The following PDE8A variants were observed in gnomAD, a reference collection of about 807,000 sequenced individuals.
PDE8A encodes the protein high affinity cAMP-specific and IBMX-insensitive 3',5'-cyclic phosphodiesterase 8A.
In PDE8A, 59 loss-of-function variants were observed where a neutral mutation model predicts 105.0. The observed-to-expected ratio is 0.56, with a 90% CI of 0.46 to 0.70. The LOEUF (loss-of-function observed/expected upper bound fraction) is 0.70, where lower values mean the gene tolerates loss of function less well. PDE8A is among the 30% of genes least tolerant of loss of function. PDE8A has a pLI of 0.00. For missense variants in PDE8A, 1,014 were observed against 1,045.9 expected (o/e 0.97, Z 0.42); for synonymous variants, 355 against 371.9 (o/e 0.95, Z 0.52).
At chr15:85,123,337 TACACACACACACACACACACACACAC>T (rs58421452) in intron 19 of PDE8A, 144 bp downstream of exon 19, 25 of 330,336 alleles carry the variant, frequency 7.6e-5, no homozygotes, top group Admixed American at 1.5e-4. Context: ...ACTAATGGGA[TACACACACACACACACACACACACAC>T]ACACACACAC....
chr15:85,076,767 A>G lies in PDE8A; in HGVS notation c.526A>G (p.Ile176Val). The G allele has an allele frequency of 1.3e-6, 2 of 1,594,458 alleles. No homozygotes were observed. The highest frequency in any genetic ancestry group is 1.7e-6 in the Non-Finnish European group (2 of 1,162,118). The change falls in exon 5 of 22, where the codon ATT (isoleucine) becomes GTT (valine). Residue 176 changes from isoleucine to valine, a missense_variant. Ile to Val is a conservative substitution (Grantham distance 29). Transcript: ENST00000394553. ...AGAAGAGTTGTCCGTAATGCCTTTC[A>G]TTTCTGCTGGATTTACAAGGGTATG... ...DREELSVMPF[I>V]SAGFTRRYVE...
chr15:85,033,540 G>A (rs1285764742), intron 1 of PDE8A, among the ~76,000 whole-genome samples: 1 of 151,992 alleles, frequency 6.6e-6, no homozygotes, highest in Admixed American at 6.6e-5. Flanking sequence ...CCTGAATATG[G>A]CCCTGGCTCC....
chr15:85,009,170 A>C (rs921038211), intron 1 of PDE8A, among the ~76,000 whole-genome samples: 1 of 151,028 alleles, frequency 6.6e-6, no homozygotes, highest in Non-Finnish European at 1.5e-5. Context: ...AGGATATTCA[A>C]AGTGGAAAAG....
chr15:85,030,055 T>A (rs577291713), intron 1 of PDE8A, among the ~76,000 whole-genome samples: 186 of 152,294 alleles, frequency 1.2e-3, no homozygotes, highest in Non-Finnish European at 2.1e-3. Flanking sequence ...AAAATGATGT[T>A]GAGAATGTGA....
chr15:85,061,665 G>C (rs1187450765), intron 1 of PDE8A, among the ~76,000 whole-genome samples: 1 of 152,102 alleles, frequency 6.6e-6, no homozygotes, highest in East Asian at 1.9e-4. Context: ...CATCAAGTTT[G>C]GGATATTTTC....
chr15:85,006,262 AT>A (rs2080145471), intron 1 of PDE8A, among the ~76,000 whole-genome samples: 1 of 152,038 alleles, frequency 6.6e-6, no homozygotes, highest in South Asian at 2.1e-4. Context: ...TTAAAGTATT[AT>A]TATTATAATA....
At position 85,010,055 on chromosome 15, in the gene PDE8A, A is replaced by G. The variant is rs149828644; in HGVS notation, c.186+27707A>G. On this transcript the variant is annotated intron_variant, in intron 1 of 21. Transcript: ENST00000394553. Reference sequence around the variant, plus strand: ...ACATGCTATATGATTTAGTTTATACAAAGTTCAAAATCAGGCAGAACTATG... The same window carrying G: ...ACATGCTATATGATTTAGTTTATACGAAGTTCAAAATCAGGCAGAACTATG... 2.4e-4 allele frequency among the ~76,000 whole-genome samples: 37 copies of G among 152,346 alleles called. No homozygotes were observed. The East Asian group carries it at 7.1e-3, about 29-fold the overall frequency.
intron 19 of PDE8A, 133 bp from the exon 20 acceptor site, chr15:85,126,074 T>G (rs1460285408): frequency 5.5e-6 from 3 of 548,510 alleles, no homozygotes; most frequent in Non-Finnish European, 9.2e-6. Flanking sequence ...ACAGTATCCT[T>G]GGCACTGTTT....
At chr15:84,997,111 T>C (rs1225095217) in intron 1 of PDE8A, among the ~76,000 whole-genome samples, 2 of 152,230 alleles carry the variant, frequency 1.3e-5, no homozygotes, top group Admixed American at 1.3e-4. Flanking sequence ...AAGTAATACT[T>C]AGCTTAAAAC....
chr15:85,021,227 G>A (rs1165761306), intron 1 of PDE8A, among the ~76,000 whole-genome samples: 1 of 152,144 alleles, frequency 6.6e-6, no homozygotes, highest in Admixed American at 6.6e-5. Flanking sequence ...CTCCAGAACT[G>A]TGAGAAATAA....
intron 1 of PDE8A, among the ~76,000 whole-genome samples, chr15:85,048,160 A>C (rs2141411887): frequency 6.6e-6 from 1 of 152,238 alleles, no homozygotes; most frequent in East Asian, 1.9e-4. Context: ...GTGAGTTAAT[A>C]TTTTTAAGTT....
intron 1 of PDE8A, among the ~76,000 whole-genome samples, chr15:85,060,534 G>T (rs1359019652): frequency 6.6e-6 from 1 of 152,180 alleles, no homozygotes; most frequent in Non-Finnish European, 1.5e-5. Context: ...ACAATTTAAA[G>T]CGTAGAGGAG....
chr15:85,019,780 A>G lies in PDE8A; in HGVS notation c.186+37432A>G, dbSNP rs143624077. Among the ~76,000 whole-genome samples, 716 of 151,922 alleles carry G rather than the reference A, an allele frequency of 4.7e-3. 3 individuals carry two copies. The highest frequency in any genetic ancestry group is 0.013 in the African/African-American group (539 of 41,418). Reference sequence around the variant, plus strand: ...TTTTTAGTAGAGACGAGGTTTCACTATGTTGGCCAGGCTGGTCTCAAACTC... The same window carrying G: ...TTTTTAGTAGAGACGAGGTTTCACTGTGTTGGCCAGGCTGGTCTCAAACTC... On this transcript the variant is annotated intron_variant, in intron 1 of 21. Coordinates refer to ENST00000394553, the MANE Select transcript of PDE8A (RefSeq NM_002605.3).
intron 3 of PDE8A, among the ~76,000 whole-genome samples, chr15:85,069,551 C>A (rs141352219): frequency 5.3e-5 from 8 of 152,148 alleles, no homozygotes; most frequent in Non-Finnish European, 2.9e-5. Context: ...ATGAGTGGCT[C>A]CTAACAGATC....
intron 1 of PDE8A, among the ~76,000 whole-genome samples, chr15:85,020,119 A>G (rs2080399967): frequency 6.6e-6 from 1 of 151,800 alleles, no homozygotes; most frequent in African/African-American, 2.4e-5. Context: ...TATTTAAATG[A>G]TCATGGTCAT....
Position 85,034,426 on chromosome 15 carries a change from A to G in PDE8A, c.187-29944A>G, listed in dbSNP as rs962972181. ...TAACTGTAGGTTAAAACAAATGTGGAGATTGATACAGTAGAACAGAATGTA... is the reference window on the plus strand; with the variant it reads ...TAACTGTAGGTTAAAACAAATGTGGGGATTGATACAGTAGAACAGAATGTA... On this transcript the variant is annotated intron_variant, in intron 1 of 21. Coordinates refer to ENST00000394553, the MANE Select transcript of PDE8A (RefSeq NM_002605.3). 2.6e-5 allele frequency among the ~76,000 whole-genome samples: 4 copies of G among 152,288 alleles called. No homozygotes were observed. In the East Asian group the frequency reaches 7.7e-4, roughly 29 times the overall value.
chr15:85,118,096 C>G (rs1401466029), intron 17 of PDE8A, among the ~76,000 whole-genome samples: 1 of 152,164 alleles, frequency 6.6e-6, no homozygotes, highest in African/African-American at 2.4e-5. Flanking sequence ...CTAACAAGGA[C>G]AGGATAGGGC....
chr15:85,125,893 A>G (rs1454614834), intron 19 of PDE8A, among the ~76,000 whole-genome samples: 2 of 152,290 alleles, frequency 1.3e-5, no homozygotes, highest in South Asian at 2.1e-4. Context: ...GGAACAGAAA[A>G]AAAGGCAACT....
chr15:85,079,232 G>C (rs1217594133), intron 5 of PDE8A, among the ~76,000 whole-genome samples: 1 of 152,160 alleles, frequency 6.6e-6, no homozygotes, highest in Non-Finnish European at 1.5e-5. Context: ...TTTAATAATA[G>C]CTCACTTTTA....
Sources: allele counts gnomAD v4.1 joint callset (sites outside exome capture counted in the v4.1 genomes callset), GRCh38; gene constraint gnomAD v4.1.1; transcripts MANE v1.5; gene names NCBI Gene and HGNC (gene_info 2026-07-23, HGNC 2026-07-21).